The following RAD51B variants were observed in gnomAD, a reference collection of about 807,000 sequenced individuals.
RAD51B encodes the protein DNA repair protein RAD51 homolog 2.
A neutral mutation model predicts 42.2 loss-of-function variants in RAD51B; 38 were observed. That is an observed-to-expected ratio of 0.90 (90% CI 0.70 to 1.18). RAD51B has a LOEUF of 1.18. Ranked by LOEUF, RAD51B falls within the 50% of genes most tolerant of loss-of-function variation. The pLI is 0.00. For missense variants in RAD51B, 373 were observed against 400.7 expected (o/e 0.93, Z 0.59); for synonymous variants, 154 against 145.2 (o/e 1.06, Z -0.43).
At chr14:68,137,136 C>T (rs534790313) in intron 7 of RAD51B, among the ~76,000 whole-genome samples, 10 of 152,192 alleles carry the variant, frequency 6.6e-5, no homozygotes, top group South Asian at 2.1e-4. Context: ...ATTGGCCTGG[C>T]GTGATGGCAC....
chr14:68,576,012 A>T (rs1021682240), intron 10 of RAD51B, among the ~76,000 whole-genome samples: 1 of 152,218 alleles, frequency 6.6e-6, no homozygotes, highest in Non-Finnish European at 1.5e-5. Context: ...ACCAGCCCTC[A>T]GCCAAAGGAG....
At chr14:68,531,873 T>G (rs2525517) in intron 10 of RAD51B, among the ~76,000 whole-genome samples, 1 of 152,092 alleles carries the variant, frequency 6.6e-6, no homozygotes, top group African/African-American at 2.4e-5. Context: ...GTGGTGACTA[T>G]TCTGGAGGCT....
intron 7 of RAD51B, among the ~76,000 whole-genome samples, chr14:68,038,487 A>T (rs2076168144): frequency 6.6e-6 from 1 of 152,070 alleles, no homozygotes; most frequent in Non-Finnish European, 1.5e-5. Context: ...TGATTTTGTA[A>T]AGCCTGAAGG....
chr14:68,621,125 T>C (rs61487877), intron 10 of RAD51B, among the ~76,000 whole-genome samples: 308 of 152,322 alleles, frequency 2.0e-3, no homozygotes, highest in African/African-American at 7.1e-3. Context: ...CCTTTATCAT[T>C]CATTCAATCC....
At chr14:68,305,961 C>T (rs1187843124) in intron 8 of RAD51B, among the ~76,000 whole-genome samples, 2 of 152,192 alleles carry the variant, frequency 1.3e-5, no homozygotes, top group Non-Finnish European at 2.9e-5. Context: ...GGTTCCTCTC[C>T]TCTCTTCAGA....
At chr14:68,055,259 A>C (rs2076455725) in intron 7 of RAD51B, among the ~76,000 whole-genome samples, 1 of 152,236 alleles carries the variant, frequency 6.6e-6, no homozygotes, top group South Asian at 2.1e-4. Context: ...TGACATGTTC[A>C]GTATAGCTAA....
At chr14:68,118,560 A>G (rs566950771) in intron 7 of RAD51B, among the ~76,000 whole-genome samples, 3 of 152,294 alleles carry the variant, frequency 2.0e-5, no homozygotes, top group South Asian at 2.1e-4. Context: ...TAACCTGTGT[A>G]CCAAATTTAT....
chr14:68,484,494 A>G (rs1883470179), intron 10 of RAD51B, among the ~76,000 whole-genome samples: 1 of 151,102 alleles, frequency 6.6e-6, no homozygotes, highest in African/African-American at 2.4e-5. Context: ...AGTAGCTGGG[A>G]CTACAGGCGC....
chr14:68,652,267 C>A (rs1892718253), intron 11 of RAD51B, among the ~76,000 whole-genome samples: 1 of 152,242 alleles, frequency 6.6e-6, no homozygotes, highest in South Asian at 2.1e-4. Flanking sequence ...CGATATTCTC[C>A]TGGTGTCTTT....
chr14:68,091,311 C>T (rs923934350), intron 7 of RAD51B, among the ~76,000 whole-genome samples: 3 of 152,184 alleles, frequency 2.0e-5, no homozygotes, highest in African/African-American at 7.2e-5. Context: ...AGTTTACAGT[C>T]CCACCAACAG....
chr14:68,671,179 G>T (rs942234177), intron 11 of RAD51B, among the ~76,000 whole-genome samples: 2 of 152,182 alleles, frequency 1.3e-5, no homozygotes, highest in Non-Finnish European at 2.9e-5. Context: ...ATCCATCCTG[G>T]GTTGGTCCGT....
At chr14:67,866,740 G>A (rs1431417648) in intron 5 of RAD51B, among the ~76,000 whole-genome samples, 2 of 152,208 alleles carry the variant, frequency 1.3e-5, no homozygotes, top group African/African-American at 4.8e-5. Context: ...AAATGAATTT[G>A]TGGAGAGTCT....
intron 8 of RAD51B, among the ~76,000 whole-genome samples, chr14:68,324,378 T>A (rs1476593746): frequency 1.3e-5 from 2 of 152,210 alleles, no homozygotes; most frequent in Non-Finnish European, 2.9e-5. Context: ...CATTTTATAG[T>A]AAATTGCACA....
chr14:68,421,250 A>T (rs1240369821), intron 9 of RAD51B, among the ~76,000 whole-genome samples: 1 of 152,036 alleles, frequency 6.6e-6, no homozygotes, highest in Non-Finnish European at 1.5e-5. Context: ...ATGTGGCTAA[A>T]GCAGGTCCAG....
chr14:68,013,829 A>G (rs570307284), intron 7 of RAD51B, among the ~76,000 whole-genome samples: 10 of 152,322 alleles, frequency 6.6e-5, no homozygotes, highest in African/African-American at 2.2e-4. Flanking sequence ...TACAAAGGTC[A>G]GGCATCCAGG....
intron 7 of RAD51B, among the ~76,000 whole-genome samples, chr14:68,028,044 T>A (rs1244922356): frequency 6.6e-6 from 1 of 152,198 alleles, no homozygotes; most frequent in Non-Finnish European, 1.5e-5. Flanking sequence ...ACAGGGTCTT[T>A]GTGGCTGAAT....
chr14:68,589,585 TGCACGTATGCTG>T (rs1049558534), intron 10 of RAD51B, among the ~76,000 whole-genome samples: 2 of 152,190 alleles, frequency 1.3e-5, no homozygotes, highest in Admixed American at 1.3e-4. Context: ...GTATCTCCTT[TGCACGTATGCTG>T]GTCCCAGGGG....
chr14:68,017,055 T>C (rs964814654), intron 7 of RAD51B, among the ~76,000 whole-genome samples: 5 of 152,162 alleles, frequency 3.3e-5, no homozygotes, highest in African/African-American at 9.7e-5. Flanking sequence ...TCTTTAACCC[T>C]TTCTTCATTT....
At chr14:68,080,213 T>G (rs942550807) in intron 7 of RAD51B, among the ~76,000 whole-genome samples, 4 of 152,376 alleles carry the variant, frequency 2.6e-5, no homozygotes, top group African/African-American at 9.6e-5. Context: ...AGTTGCTTCC[T>G]GTTTATTTGA....
Sources: allele counts gnomAD v4.1 joint callset (sites outside exome capture counted in the v4.1 genomes callset), GRCh38; gene constraint gnomAD v4.1.1; transcripts MANE v1.5; gene names NCBI Gene and HGNC (gene_info 2026-07-23, HGNC 2026-07-21).